Variants in SETD5 observed in about 807,000 individuals in gnomAD.
SETD5 encodes the protein histone-lysine N-methyltransferase SETD5.
A neutral mutation model predicts 153.3 loss-of-function variants in SETD5; 44 were observed. The ratio of observed to expected loss-of-function variants is 0.29; its 90% CI spans 0.23 to 0.37. The LOEUF is 0.37. Ranked by LOEUF, SETD5 falls within the 10% of genes least tolerant of loss-of-function variation. The pLI is 1.00. For synonymous variants in SETD5, 716 were observed against 645.2 expected, an observed-to-expected ratio of 1.11 and a Z score of -1.66; for missense variants, 1,544 against 1,768.0, an observed-to-expected ratio of 0.87 and a Z score of 2.27.
In SETD5 at chr3:9,475,876, A is replaced by T. The variant is rs1332882551; in HGVS notation, c.4114A>T (p.Thr1372Ser). ...SQSSTGTLSS[T>S]SFPQNSRSSL... ...GTCCAGCACAGGAACTCTGAGTTCC[A>T]CCTCCTTTCCTCAGAACTCTAGGTC... Residue 1372 changes from threonine to serine, a missense_variant, in exon 23 of 23, where the codon ACC becomes TCC. Physicochemically the swap from Thr to Ser is moderately conservative, Grantham distance 58. This residue lies in a region of SETD5 where 302 missense variants were observed against 277.6 expected (regional missense o/e 1.09). Coordinates refer to ENST00000402198, the MANE Select transcript of SETD5 (RefSeq NM_001080517.3). The T allele has an allele frequency of 6.2e-7, 1 of 1,613,878 alleles. No individual in the cohort carries two copies. The highest frequency in any genetic ancestry group is 8.5e-7 in the Non-Finnish European group (1 of 1,179,876).
chr3:9,428,875 C>T lies in SETD5; in HGVS notation c.-64C>T. 1 of 1,268,346 alleles carries T rather than the reference C, an allele frequency of 7.9e-7. No individual in the cohort carries two copies. The highest frequency in any genetic ancestry group is 1.1e-6 in the Non-Finnish European group (1 of 884,288). The allele number at this position is 1,268,346 out of a possible 1,614,324, so 78.6% of individuals were successfully genotyped here. A position where few individuals can be genotyped will look rare whatever the true frequency, so the allele number is the denominator to read the frequency against. ...TGAGGCTCTGCAGCTCACCCCCACT[C>T]TCAGAGTGGTCAGTCTCCATTAATT... is the stretch of plus-strand genomic sequence containing the variant. On this transcript the variant is annotated 5_prime_UTR_variant, in exon 3 of 23. Coordinates refer to ENST00000402198, the MANE Select transcript of SETD5 (RefSeq NM_001080517.3).
intron 11 of SETD5, among the ~76,000 whole-genome samples, chr3:9,444,209 G>A (rs990645437): frequency 6.6e-6 from 1 of 152,190 alleles, no homozygotes; most frequent in Non-Finnish European, 1.5e-5. Flanking sequence ...AAACCATAAA[G>A]GGCAATTCAT....
chr3:9,404,477 C>T (rs1425850608), intron 1 of SETD5, among the ~76,000 whole-genome samples: 2 of 152,164 alleles, frequency 1.3e-5, no homozygotes, highest in Non-Finnish European at 2.9e-5. Context: ...ACAGCATTAA[C>T]ACAAAATCTA....
At chr3:9,459,815 G>A (rs191063720) in intron 17 of SETD5, among the ~76,000 whole-genome samples, 5 of 151,864 alleles carry the variant, frequency 3.3e-5, no homozygotes, top group East Asian at 1.9e-4. Flanking sequence ...TTTAATAATC[G>A]TCATTTGTTA....
At chr3:9,467,508 G>A (rs1364559141) in intron 18 of SETD5, among the ~76,000 whole-genome samples, 3 of 152,104 alleles carry the variant, frequency 2.0e-5, no homozygotes, top group African/African-American at 2.4e-5. Flanking sequence ...GCACCTAGAT[G>A]TACACCACCC....
chr3:9,402,340 T>C (rs2034920447), intron 1 of SETD5, among the ~76,000 whole-genome samples: 1 of 152,186 alleles, frequency 6.6e-6, no homozygotes, highest in Non-Finnish European at 1.5e-5. Context: ...CAGTCTGCTT[T>C]ATATGTGCCC....
rs943044668 is a variant in SETD5 at position 9,426,900 on chromosome 3, A to G, written c.-116-1923A>G. 3.3e-5 allele frequency among the ~76,000 whole-genome samples: 5 copies of G among 151,964 alleles called. 1 individual carries two copies. In the South Asian group the frequency reaches 8.3e-4, roughly 25 times the overall value. On this transcript the variant is annotated intron_variant, in intron 2 of 22. Transcript: ENST00000402198. ...TGGGTGTAGGAACAGGCGTATTGTC[A>G]TACCCAGAGGTCTCACTTCATCATC...
chr3:9,412,196 T>C (rs1428408640), intron 1 of SETD5, among the ~76,000 whole-genome samples: 5 of 152,068 alleles, frequency 3.3e-5, no homozygotes, highest in Non-Finnish European at 7.4e-5. Flanking sequence ...TTTTTTGTTG[T>C]TGTTTTTTGT....
intron 7 of SETD5, among the ~76,000 whole-genome samples, chr3:9,438,536 TTAC>T (rs553853182): frequency 1.5e-3 from 228 of 152,222 alleles, no homozygotes; most frequent in African/African-American, 5.0e-3. Context: ...GAAAAAAAAA[TTAC>T]TAGTCATTTT....
intron 18 of SETD5, chr3:9,468,662 A>G: frequency 8.2e-7 from 1 of 1,214,212 alleles, no homozygotes; most frequent in Non-Finnish European, 1.1e-6. Flanking sequence ...AGGGCTGGGG[A>G]TCTGAGTCAG....
chr3:9,437,276 G>A (rs1033163350), intron 7 of SETD5, among the ~76,000 whole-genome samples: 1 of 152,064 alleles, frequency 6.6e-6, no homozygotes, highest in Non-Finnish European at 1.5e-5. Context: ...TTTAATTGCA[G>A]GACGCTTGTA....
chr3:9,457,287 G>C (rs1464768962), intron 17 of SETD5, among the ~76,000 whole-genome samples: 2 of 152,036 alleles, frequency 1.3e-5, no homozygotes, highest in East Asian at 1.9e-4. Flanking sequence ...AGGAGATCGA[G>C]ACCATCCTTG....
chr3:9,454,342 G>A (rs1047042966), intron 17 of SETD5, among the ~76,000 whole-genome samples: 7 of 152,016 alleles, frequency 4.6e-5, no homozygotes, highest in Admixed American at 4.6e-4. Context: ...AGAACAGCCG[G>A]GCGCTGTGGC....
intron 3 of SETD5, chr3:9,430,410 C>A (rs1575352274): frequency 1.1e-6 from 1 of 889,050 alleles, no homozygotes; most frequent in Non-Finnish European, 1.3e-6. Context: ...GATTTTGTTT[C>A]TTCTAGAGCT....
chr3:9,443,367 C>T lies in SETD5; in HGVS notation c.1137C>T (p.Ile379=), dbSNP rs747820628. The change falls in exon 11 of 23, where the codon ATC becomes ATT. Residue 379 remains isoleucine, a synonymous_variant. Coordinates refer to ENST00000402198, the MANE Select transcript of SETD5 (RefSeq NM_001080517.3). The part of the protein sequence containing the change: ...IHLCIYAVSA[I]TKDAEVTIAF... ...TGTGCATCTATGCTGTGTCTGCCAT[C>T]ACCAAGGATGCTGAGGTCACCATAG... 10 of 1,508,908 alleles carry T rather than the reference C, an allele frequency of 6.6e-6. No homozygotes were observed. In the South Asian group the frequency reaches 1.3e-4, roughly 20 times the overall value. The allele number at this position is 1,508,908 out of a possible 1,614,324, so 93.5% of individuals were successfully genotyped here. A position where few individuals can be genotyped will look rare whatever the true frequency, so the allele number is the denominator to read the frequency against.
intron 3 of SETD5, chr3:9,431,366 TAGG>T: frequency 1.0e-6 from 1 of 985,296 alleles, no homozygotes; most frequent in Non-Finnish European, 1.2e-6. Flanking sequence ...AATTCAGTGA[TAGG>T]AGAAGAAAGC....
intron 1 of SETD5, among the ~76,000 whole-genome samples, chr3:9,418,542 T>C (rs2037889453): frequency 6.6e-6 from 1 of 152,072 alleles, no homozygotes; most frequent in South Asian, 2.1e-4. Flanking sequence ...CAGTCAGTAG[T>C]AGTCTTAAAA....
At chr3:9,470,950 C>T (rs375932933) in intron 19 of SETD5, 21 bp downstream of exon 19, 17 of 1,349,062 alleles carry the variant, frequency 1.3e-5, no homozygotes, top group Admixed American at 2.3e-5. Flanking sequence ...CATGTTATAT[C>T]GGCGAACTTT....
rs1316984037 is a variant in SETD5, at chr3:9,448,644, T to C, written c.2346+14T>C. On this transcript the variant is annotated intron_variant, in intron 16 of 22. Coordinates refer to ENST00000402198, the MANE Select transcript of SETD5 (RefSeq NM_001080517.3). ...TCCTGTAAGAAGGTATGTCTGTGTT[T>C]TTGTGTGTGTGTTGTGTTTATGTGT... 6.5e-7 allele frequency: 1 copy of C among 1,543,460 alleles called. No individual in the cohort carries two copies. Among genetic ancestry groups the C allele is most frequent in the South Asian group, 1.3e-5 (1 of 79,788 alleles).
Sources: gnomAD v4.1 joint callset for allele counts (sites outside exome capture counted in the v4.1 genomes callset) on GRCh38, gnomAD v4.1.1 for gene constraint, gnomAD v4.1.1 regional missense constraint, MANE v1.5 for transcripts, NCBI Gene and HGNC (gene_info 2026-07-23, HGNC 2026-07-21) for gene names.